Variants in FRYL observed in about 807,000 individuals in gnomAD.
The protein encoded by FRYL is FRY like transcription coactivator.
In FRYL, 150 loss-of-function variants were observed where a neutral mutation model predicts 351.2. That is an observed-to-expected ratio of 0.43 (90% CI 0.37 to 0.49). The LOEUF (loss-of-function observed/expected upper bound fraction) is 0.49. FRYL is among the 20% of genes least tolerant of loss of function. FRYL has a pLI of 0.00. For synonymous variants in FRYL, 1,153 were observed against 1,257.1 expected (o/e 0.92, Z 1.75); for missense variants, 3,036 against 3,619.3 (o/e 0.84, Z 4.13).
intron 56 of FRYL, among the ~76,000 whole-genome samples, chr4:48,514,638 C>T (rs181372572): frequency 1.1e-4 from 17 of 152,214 alleles, no homozygotes; most frequent in Middle Eastern, 6.8e-3. Flanking sequence ...ACTGTAAAAA[C>T]AATTTTTTGG....
intron 26 of FRYL, among the ~76,000 whole-genome samples, chr4:48,572,947 A>G (rs1229904997): frequency 1.3e-5 from 2 of 152,210 alleles, no homozygotes; most frequent in Non-Finnish European, 2.9e-5. Context: ...CCTTTGCAGA[A>G]AAAGTTTGCC....
intron 56 of FRYL, among the ~76,000 whole-genome samples, chr4:48,514,760 G>C (rs1723212712): frequency 2.0e-5 from 3 of 152,140 alleles, no homozygotes; most frequent in Admixed American, 1.3e-4. Flanking sequence ...TTCTAAATGT[G>C]GAATACCACT....
chr4:48,505,711 G>A, intron 59 of FRYL, 96 bp from the exon 60 acceptor site: 1 of 742,292 alleles, frequency 1.3e-6, no homozygotes, highest in Non-Finnish European at 2.3e-6. Context: ...TTAACTTGAA[G>A]TTCTAGGATT....
chr4:48,616,646 A>C (rs1218192040), intron 7 of FRYL, among the ~76,000 whole-genome samples: 1 of 152,188 alleles, frequency 6.6e-6, no homozygotes. Context: ...AGAGTTCCAA[A>C]CGTGTGATTA....
chr4:48,613,371 G>A (rs1251716442), intron 7 of FRYL, among the ~76,000 whole-genome samples: 3 of 152,132 alleles, frequency 2.0e-5, no homozygotes, highest in Non-Finnish European at 4.4e-5. Context: ...ATAATATCAG[G>A]TACCAACTAG....
intron 55 of FRYL, among the ~76,000 whole-genome samples, chr4:48,516,480 G>A (rs1723634588): frequency 6.6e-6 from 1 of 152,148 alleles, no homozygotes; most frequent in South Asian, 2.1e-4. Context: ...ATAGTTCTAG[G>A]AATAAAGATC....
At chr4:48,620,826 A>G (rs1560731818) in intron 5 of FRYL, 48 bp from the exon 6 acceptor site, 10 of 1,516,518 alleles carry the variant, frequency 6.6e-6, no homozygotes, top group Non-Finnish European at 8.2e-6. Flanking sequence ...CACTGAATGT[A>G]CCACACTCTT....
At chr4:48,526,664 T>G (rs77561284) in intron 53 of FRYL, among the ~76,000 whole-genome samples, 4,559 of 152,282 alleles carry the variant, frequency 0.03, 73 homozygotes, top group Admixed American at 0.046. Flanking sequence ...CCTAGAGAAC[T>G]GCAGATAAAC....
At chr4:48,686,557 G>T (rs1342866480) in intron 2 of FRYL, among the ~76,000 whole-genome samples, 3 of 151,800 alleles carry the variant, frequency 2.0e-5, no homozygotes, top group African/African-American at 7.3e-5. Flanking sequence ...TTGTGGGCAC[G>T]GTCCTGCACT....
intron 54 of FRYL, among the ~76,000 whole-genome samples, chr4:48,521,498 T>C (rs1042715222): frequency 2.0e-5 from 3 of 152,162 alleles, no homozygotes; most frequent in African/African-American, 4.8e-5. Context: ...GAGCTGAAAT[T>C]CATATTGGAG....
chr4:48,749,025 G>A (rs1386574081), intron 1 of FRYL, among the ~76,000 whole-genome samples: 3 of 152,186 alleles, frequency 2.0e-5, no homozygotes, highest in Non-Finnish European at 4.4e-5. Flanking sequence ...GCATATTACA[G>A]CAACAGCAAG....
At chr4:48,776,171 A>G (rs183982271) in intron 1 of FRYL, among the ~76,000 whole-genome samples, 27 of 149,168 alleles carry the variant, frequency 1.8e-4, no homozygotes, top group Admixed American at 1.8e-3. Flanking sequence ...TTTTTTAAAT[A>G]GAGTCAGAGT....
chr4:48,775,586 C>G (rs2056200), intron 1 of FRYL, among the ~76,000 whole-genome samples: 148,022 of 152,306 alleles, frequency 0.97, 72,085 homozygotes, highest in East Asian at 1. Flanking sequence ...ACTGTAGCCC[C>G]CTTTTTATAA....
At chr4:48,708,006 G>A (rs1205830802) in intron 2 of FRYL, among the ~76,000 whole-genome samples, 2 of 151,710 alleles carry the variant, frequency 1.3e-5, no homozygotes, top group Non-Finnish European at 1.5e-5. Flanking sequence ...ATTTTTAGTA[G>A]AGAGGGGGTT....
At chr4:48,768,097 C>T (rs916965658) in intron 1 of FRYL, among the ~76,000 whole-genome samples, 5 of 152,090 alleles carry the variant, frequency 3.3e-5, no homozygotes, top group Non-Finnish European at 5.9e-5. Flanking sequence ...GAATACAGTA[C>T]GTAAAGGTTT....
chr4:48,706,499 G>A (rs1767364908), intron 2 of FRYL, among the ~76,000 whole-genome samples: 1 of 152,146 alleles, frequency 6.6e-6, no homozygotes, highest in Non-Finnish European at 1.5e-5. Flanking sequence ...AGAAGACGAT[G>A]GGGAGTTATT....
chr4:48,531,312 C>T lies in FRYL; in HGVS notation c.6747G>A (p.Val2249=). 1 of 1,613,742 alleles carries T rather than the reference C, an allele frequency of 6.2e-7. No individual in the cohort carries two copies. The highest frequency in any genetic ancestry group is 8.5e-7 in the Non-Finnish European group (1 of 1,179,720). The change falls in exon 50 of 64, where the codon GTG becomes GTA. Residue 2249 remains valine, a synonymous_variant. Transcript: ENST00000358350. ...CGACAAGACTCGCAGAGCGTGACAC[C>T]ACCAGCTTTAATATGTTAAGGGCTT... ...WKEALNILKL[V]VSRSASLVVP...
At chr4:48,545,275 A>G (rs1731086858) in intron 42 of FRYL, among the ~76,000 whole-genome samples, 1 of 152,232 alleles carries the variant, frequency 6.6e-6, no homozygotes, top group Non-Finnish European at 1.5e-5. Context: ...TTTACTAGCT[A>G]AAACTACAGG....
chr4:48,521,263 C>T (rs1266486884), intron 54 of FRYL, 48 bp from the exon 55 acceptor site: 1 of 1,355,912 alleles, frequency 7.4e-7, no homozygotes, highest in Non-Finnish European at 1.0e-6. Context: ...GAGTCAAAAG[C>T]CACAGGAAAC....
Sources: gnomAD v4.1 joint callset for allele counts (sites outside exome capture counted in the v4.1 genomes callset) on GRCh38, gnomAD v4.1.1 for gene constraint, MANE v1.5 for transcripts, NCBI Gene and HGNC (gene_info 2026-07-23, HGNC 2026-07-21) for gene names.